RAPGEF6: variants seen among roughly 807,000 people sequenced by gnomAD.
RAPGEF6 encodes the protein Rap guanine nucleotide exchange factor 6.
Under a neutral mutation model 171.4 loss-of-function variants are expected in RAPGEF6, and 56 were observed. That is an observed-to-expected ratio of 0.33 (90% CI 0.26 to 0.41). The LOEUF is 0.41. RAPGEF6 is among the 10% of genes least tolerant of loss of function. RAPGEF6 has a pLI of 1.00. For missense variants in RAPGEF6, 1,674 were observed against 1,921.4 expected (o/e 0.87, Z 2.41); for synonymous variants, 692 against 650.1 (o/e 1.06, Z -0.98).
intron 1 of RAPGEF6, among the ~76,000 whole-genome samples, chr5:131,629,696 T>G (rs556894580): frequency 2.7e-3 from 391 of 144,846 alleles, no homozygotes; most frequent in African/African-American, 9.3e-3. Context: ...GAGGCTGCAG[T>G]GGGCTGTGAT....
chr5:131,533,837 AGAGT>A (rs1216082317), intron 6 of RAPGEF6, among the ~76,000 whole-genome samples: 1 of 152,150 alleles, frequency 6.6e-6, no homozygotes, highest in Non-Finnish European at 1.5e-5. Flanking sequence ...ACCTGCTTCC[AGAGT>A]GAGTGTGGAC....
At chr5:131,495,442 G>A in intron 13 of RAPGEF6, 111 bp downstream of exon 13, 1 of 749,256 alleles carries the variant, frequency 1.3e-6, no homozygotes. Flanking sequence ...GAAGTTCTAA[G>A]AATGGACATT....
chr5:131,575,714 G>T (rs1317275895), intron 4 of RAPGEF6, among the ~76,000 whole-genome samples: 1 of 152,066 alleles, frequency 6.6e-6, no homozygotes, highest in African/African-American at 2.4e-5. Flanking sequence ...CCTAGAAACA[G>T]CTCCCACATT....
intron 5 of RAPGEF6, among the ~76,000 whole-genome samples, chr5:131,557,179 G>A (rs1478664512): frequency 6.6e-6 from 1 of 152,078 alleles, no homozygotes; most frequent in East Asian, 1.9e-4. Context: ...GATTATGATG[G>A]GGACTGCACT....
intron 1 of RAPGEF6, among the ~76,000 whole-genome samples, chr5:131,616,971 CTCT>C (rs1765302347): frequency 6.6e-6 from 1 of 152,208 alleles, no homozygotes; most frequent in Non-Finnish European, 1.5e-5. Context: ...TTTATTCATT[CTCT>C]TCTTAACCTA....
intron 11 of RAPGEF6, among the ~76,000 whole-genome samples, chr5:131,498,878 C>G (rs888254471): frequency 6.6e-6 from 1 of 152,184 alleles, no homozygotes; most frequent in African/African-American, 2.4e-5. Context: ...TTCATCATAG[C>G]AGGACCTTTG....
chr5:131,530,847 A>G (rs892820964), intron 6 of RAPGEF6, among the ~76,000 whole-genome samples: 41 of 152,174 alleles, frequency 2.7e-4, no homozygotes, highest in African/African-American at 8.2e-4. Flanking sequence ...AATTTTCTTT[A>G]AAGTTTTTTT....
At chr5:131,510,562 A>G in intron 7 of RAPGEF6, 71 bp from the exon 8 acceptor site, 1 of 1,397,730 alleles carries the variant, frequency 7.2e-7, no homozygotes. Flanking sequence ...TGAATTAATC[A>G]AAACTACCCA....
intron 21 of RAPGEF6, among the ~76,000 whole-genome samples, chr5:131,448,442 A>G (rs1344198904): frequency 2.6e-5 from 4 of 152,218 alleles, no homozygotes; most frequent in Non-Finnish European, 4.4e-5. Context: ...GTAACAGGAT[A>G]CTGCAGTGAT....
At chr5:131,495,808 G>C (rs994752254) in intron 12 of RAPGEF6, 148 bp from the exon 13 acceptor site, 21 of 1,255,950 alleles carry the variant, frequency 1.7e-5, no homozygotes, top group Admixed American at 6.1e-5. Flanking sequence ...TAACAGAAAG[G>C]CATGGTTTAA....
chr5:131,547,899 G>A (rs1760656716), intron 6 of RAPGEF6, 148 bp downstream of exon 6: 1 of 799,278 alleles, frequency 1.3e-6, no homozygotes, highest in Non-Finnish European at 1.9e-6. Flanking sequence ...CAACCAAACA[G>A]AAGCATTTAA....
chr5:131,435,901 C>G (rs1331985252), intron 24 of RAPGEF6: 1 of 1,482,338 alleles, frequency 6.7e-7, no homozygotes, highest in East Asian at 2.5e-5. Context: ...GCCATGTATA[C>G]ATTAATAACT....
chr5:131,504,763 G>C lies in RAPGEF6; in HGVS notation c.1117C>G (p.Gln373Glu), dbSNP rs1288394870. Reference sequence around the variant, plus strand: ...TTTAAAATTCTCCAATAATCTTGCTGGGCTATGCAGACAAACTGTCCAAGA... The same window carrying C: ...TTTAAAATTCTCCAATAATCTTGCTCGGCTATGCAGACAAACTGTCCAAGA... The part of the protein sequence containing the change: ...VDDCQFVCIA[Q>E]QDYWRILNHV... Residue 373 changes from glutamine (Q) to glutamate (E), a missense_variant, in exon 11 of 28, where the codon CAG becomes GAG. Physicochemically the swap from Gln to Glu is conservative, Grantham distance 29. Around this residue, in one of 3 missense-constraint regions of RAPGEF6, gnomAD observed 1,116 missense variants for 1,321.5 expected, o/e 0.84. Transcript: ENST00000509018. 1 of 1,611,606 alleles carries C rather than the reference G, an allele frequency of 6.2e-7. No individual in the cohort carries two copies. Among genetic ancestry groups the C allele is most frequent in the East Asian group, 2.2e-5 (1 of 44,830 alleles).
intron 1 of RAPGEF6, among the ~76,000 whole-genome samples, chr5:131,613,871 T>C (rs1765098220): frequency 6.6e-6 from 1 of 151,898 alleles, no homozygotes; most frequent in Non-Finnish European, 1.5e-5. Context: ...ATTAGACATA[T>C]TCATCCCAGA....
In RAPGEF6 at chr5:131,468,997, A is replaced by C. The variant is rs536328459; in HGVS notation, c.2239+3590T>G. ...TTCAAAACTCAAAATATAATAATGC[A>C]TACATAAAACAGGTAAAGATACGTG... is the stretch of plus-strand genomic sequence containing the variant. On this transcript the variant is annotated intron_variant, in intron 17 of 27. Transcript: ENST00000509018. Among the ~76,000 whole-genome samples, 3 of 152,374 alleles carry C rather than the reference A, an allele frequency of 2.0e-5. No homozygotes were observed. The East Asian group carries it at 5.8e-4, about 29-fold the overall frequency.
intron 5 of RAPGEF6, among the ~76,000 whole-genome samples, chr5:131,557,156 T>A (rs1406833514): frequency 6.6e-6 from 1 of 152,196 alleles, no homozygotes; most frequent in Non-Finnish European, 1.5e-5. Flanking sequence ...TCCCCATTTT[T>A]AAAATATCCT....
chr5:131,585,309 C>CT (rs71000997), intron 4 of RAPGEF6, among the ~76,000 whole-genome samples: 2,197 of 149,004 alleles, frequency 0.015, 61 homozygotes, highest in African/African-American at 0.052. Context: ...TACATACATA[C>CT]ATACATACAT....
At chr5:131,520,144 G>A (rs1032285084) in intron 7 of RAPGEF6, among the ~76,000 whole-genome samples, 1 of 152,158 alleles carries the variant, frequency 6.6e-6, no homozygotes, top group Admixed American at 6.5e-5. Flanking sequence ...TCCCTGAATA[G>A]AAGAAGGCTA....
At chr5:131,510,830 A>G (rs1757668788) in intron 7 of RAPGEF6, among the ~76,000 whole-genome samples, 1 of 152,252 alleles carries the variant, frequency 6.6e-6, no homozygotes. Context: ...AACATGAAGT[A>G]CAGGAAAGAA....
Sources: gnomAD v4.1 joint callset for allele counts (sites outside exome capture counted in the v4.1 genomes callset) on GRCh38, gnomAD v4.1.1 for gene constraint, gnomAD v4.1.1 regional missense constraint, MANE v1.5 for transcripts, NCBI Gene and HGNC (gene_info 2026-07-23, HGNC 2026-07-21) for gene names.